DNAJB11: variants seen among roughly 807,000 people sequenced by gnomAD.
DNAJB11 encodes the protein dnaJ homolog subfamily B member 11.
DNAJB11 carries 30 observed loss-of-function variants against 47.2 expected under a neutral mutation model. The observed-to-expected ratio is 0.64, with a 90% CI of 0.48 to 0.86. DNAJB11 has a LOEUF of 0.86. Ranked by LOEUF, DNAJB11 falls within the 40% of genes least tolerant of loss-of-function variation. DNAJB11 has a pLI of 0.00. For synonymous variants in DNAJB11, 151 were observed against 159.9 expected (o/e 0.94, Z 0.42); for missense variants, 357 against 440.2 (o/e 0.81, Z 1.69).
At chr3:186,573,018 A>C (rs1040677849) in intron 2 of DNAJB11, among the ~76,000 whole-genome samples, 2 of 152,180 alleles carry the variant, frequency 1.3e-5, no homozygotes, top group African/African-American at 2.4e-5. Flanking sequence ...TGCAACCTCT[A>C]ATCTGGGGAT....
At position 186,582,748 on chromosome 3, in the gene DNAJB11, T is replaced by G. The variant is rs1193146499; in HGVS notation, c.715T>G (p.Leu239Val). Reference sequence around the variant, plus strand: ...TCACGTGGATGGGGAGCCTGGAGATTTACGGTTCCGAATCAAAGTTGTCAA... The same window carrying G: ...TCACGTGGATGGGGAGCCTGGAGATGTACGGTTCCGAATCAAAGTTGTCAA... ...EPHVDGEPGD[L>V]RFRIKVVKHP... The change falls in exon 7 of 10, where the codon TTA becomes GTA. Residue 239 changes from leucine (L) to valine (V), a missense_variant. Transcript: ENST00000265028. The G allele has an allele frequency of 6.3e-7, 1 of 1,589,528 alleles. No individual in the cohort carries two copies. The highest frequency in any genetic ancestry group is 1.8e-5 in the Admixed American group (1 of 56,572).
At position 186,570,891 on chromosome 3, in the gene DNAJB11, A is replaced by G. The variant is rs558361447; in HGVS notation, c.-7A>G. The G allele has an allele frequency of 2.5e-4, 401 of 1,604,400 alleles. 1 individual carries two copies. The highest frequency in any genetic ancestry group is 9.4e-4 in the South Asian group (84 of 89,402). Reference sequence around the variant, plus strand: ...GTGTGTGGAACAGGACCCGGGACAGAGGAACCATGGCTCCGCAGAACCTGA... The same window carrying G: ...GTGTGTGGAACAGGACCCGGGACAGGGGAACCATGGCTCCGCAGAACCTGA... On this transcript the variant is annotated 5_prime_UTR_variant, in exon 1 of 10. Coordinates refer to ENST00000265028, the MANE Select transcript of DNAJB11 (RefSeq NM_016306.6).
intron 4 of DNAJB11, chr3:186,579,098 A>G (rs969100897): frequency 6.6e-6 from 1 of 152,334 alleles, no homozygotes; most frequent in East Asian, 1.9e-4. Context: ...ATCTCTGGAA[A>G]AAAATTTTAA....
At chr3:186,574,023 C>T (rs1026125362) in intron 2 of DNAJB11, among the ~76,000 whole-genome samples, 2 of 152,142 alleles carry the variant, frequency 1.3e-5, no homozygotes, top group African/African-American at 4.8e-5. Flanking sequence ...ATCATTCAAG[C>T]TTGATTGCCT....
At chr3:186,575,246 T>C (rs1715231840) in intron 2 of DNAJB11, among the ~76,000 whole-genome samples, 1 of 152,154 alleles carries the variant, frequency 6.6e-6, no homozygotes, top group South Asian at 2.1e-4. Flanking sequence ...CACAAATGGA[T>C]TTCTGCATAT....
Position 186,577,798 on chromosome 3 carries a change from GAAGT to G in DNAJB11, c.456+3_456+6del. Reference sequence around the variant, plus strand: ...AGAAGTATATGCAGGAAATTTTGTGGAAGTAAGTTCAAACAATATAGCTGTTCAT... The same window carrying G: ...AGAAGTATATGCAGGAAATTTTGTGGAAGTTCAAACAATATAGCTGTTCAT... On this transcript the variant is annotated splice_donor_variant and coding_sequence_variant, in exon 4 of 10. Coordinates refer to ENST00000265028, the MANE Select transcript of DNAJB11 (RefSeq NM_016306.6). LOFTEE classifies it high-confidence loss of function. 1.9e-6 allele frequency: 3 copies of G among 1,596,848 alleles called. No homozygotes were observed. The highest frequency in any genetic ancestry group is 2.6e-6 in the Non-Finnish European group (3 of 1,174,048).
intron 2 of DNAJB11, among the ~76,000 whole-genome samples, chr3:186,575,346 C>T (rs9841006): frequency 0.1 from 14,914 of 148,352 alleles, 862 homozygotes; most frequent in African/African-American, 0.17. Flanking sequence ...TGACAATCTC[C>T]TAATACATGC....
intron 7 of DNAJB11, among the ~76,000 whole-genome samples, chr3:186,583,655 C>T (rs1024488141): frequency 9.2e-5 from 14 of 152,194 alleles, no homozygotes; most frequent in African/African-American, 3.4e-4. Context: ...TTTACTTATA[C>T]TCTGGCTTTT....
rs1387626881 is a variant in DNAJB11, at chr3:186,570,885, G to C, written c.-13G>C. On this transcript the variant is annotated 5_prime_UTR_variant, in exon 1 of 10. Coordinates refer to ENST00000265028, the MANE Select transcript of DNAJB11 (RefSeq NM_016306.6). ...TGAGGAGTGTGTGGAACAGGACCCG[G>C]GACAGAGGAACCATGGCTCCGCAGA... is the stretch of plus-strand genomic sequence containing the variant. 1 of 1,603,138 alleles carries C rather than the reference G, an allele frequency of 6.2e-7. No homozygotes were observed. The highest frequency in any genetic ancestry group is 1.7e-5 in the Admixed American group (1 of 58,738).
rs774893192 is a variant in DNAJB11, at chr3:186,577,570, A to G, written c.324-98A>G. The G allele has an allele frequency of 2.1e-4, 243 of 1,174,256 alleles. 1 individual carries two copies. Among genetic ancestry groups the G allele is most frequent in the Non-Finnish European group, 2.2e-4 (190 of 856,208 alleles). 72.7% of individuals were successfully genotyped at this position (1,174,256 alleles called of 1,614,324 possible). A position where few individuals can be genotyped will look rare whatever the true frequency, so the allele number is the denominator to read the frequency against. ...TTGTAGTTTTGCACAATGCATTGAT[A>G]GAAACAATAGTTTATCAACGTAAAG... On this transcript the variant is annotated intron_variant, in intron 3 of 9. Transcript: ENST00000265028.
At position 186,585,586 on chromosome 3, in the gene DNAJB11, G is replaced by A. The variant is rs181135600; in HGVS notation, c.*178G>A. ...CTTAAGAATTTGTCCATTTGCATTC[G>A]GAAAAGAATGACCAGCAAAAGGTTT... On this transcript the variant is annotated 3_prime_UTR_variant, in exon 10 of 10. Coordinates refer to ENST00000265028, the MANE Select transcript of DNAJB11 (RefSeq NM_016306.6). The A allele has an allele frequency of 1.6e-4, 70 of 434,218 alleles. No homozygotes were observed. Among genetic ancestry groups the A allele is most frequent in the East Asian group, 3.3e-4 (8 of 24,588 alleles). 26.9% of individuals were successfully genotyped at this position (434,218 alleles called of 1,614,324 possible).
intron 2 of DNAJB11, among the ~76,000 whole-genome samples, chr3:186,574,229 A>G (rs948315181): frequency 2.6e-5 from 4 of 152,230 alleles, no homozygotes; most frequent in Admixed American, 6.5e-5. Flanking sequence ...ACCATAGAAT[A>G]AAATTGCATT....
chr3:186,581,654 G>A, intron 5 of DNAJB11, 141 bp downstream of exon 5: 1 of 1,005,014 alleles, frequency 1.0e-6, no homozygotes, highest in Non-Finnish European at 1.4e-6. Flanking sequence ...GCAAAACAAT[G>A]TACATTTTTT....
In DNAJB11 at chr3:186,585,557, AG is replaced by A; in HGVS notation, c.*152del. ...TAATGATCATCATGAAATGAATAAG[AG>A]GGCTTAAGAATTTGTCCATTTGCAT... On this transcript the variant is annotated 3_prime_UTR_variant, in exon 10 of 10. Coordinates refer to ENST00000265028, the MANE Select transcript of DNAJB11 (RefSeq NM_016306.6). The A allele has an allele frequency of 2.0e-6, 1 of 496,614 alleles. No individual in the cohort carries two copies. Among genetic ancestry groups the A allele is most frequent in the Non-Finnish European group, 3.5e-6 (1 of 283,000 alleles). The allele number at this position is 496,614 out of a possible 1,614,324, so 30.8% of individuals were successfully genotyped here.
At chr3:186,571,021 G>C (rs3733160) in intron 1 of DNAJB11, 56 bp downstream of exon 1, 3 of 1,003,454 alleles carry the variant, frequency 3.0e-6, no homozygotes, top group South Asian at 3.2e-5. Context: ...TTGCTGGGGG[G>C]TGGGAGGGGG....
Position 186,584,495 on chromosome 3 carries a change from C to A in DNAJB11, c.918C>A (p.Leu306=), listed in dbSNP as rs1379681993. 6.2e-7 allele frequency: 1 copy of A among 1,600,924 alleles called. No individual in the cohort carries two copies. Among genetic ancestry groups the A allele is most frequent in the Admixed American group, 1.8e-5 (1 of 56,342 alleles). The change falls in exon 9 of 10, where the codon CTC becomes CTA. Residue 306 remains leucine (L), a synonymous_variant. Coordinates refer to ENST00000265028, the MANE Select transcript of DNAJB11 (RefSeq NM_016306.6). ...GAKLWKKGEG[L]PNFDNNNIKG... ...AGCTATGGAAGAAAGGGGAAGGGCT[C>A]CCCAACTTTGACAACAACAATATCA...
chr3:186,585,236 A>G, intron 9 of DNAJB11, 108 bp from the exon 10 acceptor site: 3 of 780,316 alleles, frequency 3.8e-6, no homozygotes, highest in South Asian at 1.7e-5. Flanking sequence ...ATTCACATCC[A>G]TGTTTGTCAT....
intron 2 of DNAJB11, among the ~76,000 whole-genome samples, chr3:186,574,519 A>G (rs913279454): frequency 6.6e-6 from 1 of 151,948 alleles, no homozygotes; most frequent in East Asian, 1.9e-4. Flanking sequence ...TGCTTCCCCA[A>G]AGTACCTATT....
chr3:186,577,654 G>A lies in DNAJB11; in HGVS notation c.324-14G>A. On this transcript the variant is annotated splice_polypyrimidine_tract_variant and intron_variant, in intron 3 of 9. Transcript: ENST00000265028. ...TTTTTTTTTTTTTCCTGATGATTTT[G>A]CACTTATCTTTAGCTTCTTTGGGGA... is the stretch of plus-strand genomic sequence containing the variant. The A allele has an allele frequency of 6.7e-7, 1 of 1,498,706 alleles. No homozygotes were observed. Among genetic ancestry groups the A allele is most frequent in the South Asian group, 1.3e-5 (1 of 75,914 alleles). The allele number at this position is 1,498,706 out of a possible 1,614,324, so 92.8% of individuals were successfully genotyped here.
Sources: allele counts gnomAD v4.1 joint callset (sites outside exome capture counted in the v4.1 genomes callset), GRCh38; gene constraint gnomAD v4.1.1; transcripts MANE v1.5; gene names NCBI Gene and HGNC (gene_info 2026-07-23, HGNC 2026-07-21).